Variants in ANKS1B observed in about 807,000 individuals in gnomAD.
ANKS1B encodes ankyrin repeat and sterile alpha motif domain containing 1B, also known as ankyrin repeat and sterile alpha motif domain-containing protein 1B.
ANKS1B carries 36 observed loss-of-function variants against 148.3 expected under a neutral mutation model. The ratio of observed to expected loss-of-function variants is 0.24; its 90% CI spans 0.19 to 0.32. The LOEUF is 0.32. ANKS1B is among the 10% of genes least tolerant of loss of function. The pLI, the probability that ANKS1B is intolerant of heterozygous loss-of-function variation, is 1.00. For synonymous variants in ANKS1B, 542 were observed against 560.8 expected (o/e 0.97, Z 0.47); for missense variants, 1,157 against 1,542.6 (o/e 0.75, Z 4.19).
At chr12:99,273,693 G>A (rs2077328296) in intron 12 of ANKS1B, among the ~76,000 whole-genome samples, 1 of 148,426 alleles carries the variant, frequency 6.7e-6, no homozygotes. Context: ...TTCTCTGCCT[G>A]AGCCTCCGGA....
intron 19 of ANKS1B, among the ~76,000 whole-genome samples, chr12:98,817,186 G>A (rs931071389): frequency 6.6e-6 from 1 of 152,114 alleles, no homozygotes; most frequent in Non-Finnish European, 1.5e-5. Flanking sequence ...AAAAGAAAAT[G>A]AAAACAGACT....
chr12:98,763,937 C>T (rs973282449), intron 25 of ANKS1B, among the ~76,000 whole-genome samples: 1 of 152,198 alleles, frequency 6.6e-6, no homozygotes, highest in Non-Finnish European at 1.5e-5. Context: ...CCACAACTTG[C>T]TTTCTTATAT....
At chr12:99,555,899 T>C (rs900426507) in intron 9 of ANKS1B, among the ~76,000 whole-genome samples, 1 of 152,186 alleles carries the variant, frequency 6.6e-6, no homozygotes, top group Admixed American at 6.5e-5. Flanking sequence ...AGATTTGTTT[T>C]TTGTTGTATC....
At chr12:99,453,072 C>G (rs2095779920) in intron 10 of ANKS1B, among the ~76,000 whole-genome samples, 1 of 152,090 alleles carries the variant, frequency 6.6e-6, no homozygotes. Context: ...GGGCGGATCA[C>G]AAGGTCAGGA....
chr12:99,505,992 T>C (rs1365626500), intron 9 of ANKS1B, among the ~76,000 whole-genome samples: 1 of 152,048 alleles, frequency 6.6e-6, no homozygotes, highest in Non-Finnish European at 1.5e-5. Context: ...TACTTACCCT[T>C]GTGGTTTTGT....
At chr12:98,956,024 A>G (rs1459902616) in intron 17 of ANKS1B, among the ~76,000 whole-genome samples, 3 of 152,210 alleles carry the variant, frequency 2.0e-5, no homozygotes, top group Non-Finnish European at 4.4e-5. Context: ...CCTGAATTCC[A>G]GGCCTAGAGA....
chr12:99,874,081 G>A (rs1407669397), intron 1 of ANKS1B, among the ~76,000 whole-genome samples: 1 of 150,110 alleles, frequency 6.7e-6, no homozygotes, highest in African/African-American at 2.5e-5. Flanking sequence ...GACTAAAACA[G>A]CTATGCTTCA....
intron 9 of ANKS1B, chr12:99,649,728 T>G (rs998626134): frequency 4.2e-6 from 1 of 238,370 alleles, no homozygotes; most frequent in East Asian, 1.1e-4. Context: ...TAAGTGCTAC[T>G]GGCCTCTCCC....
intron 12 of ANKS1B, among the ~76,000 whole-genome samples, chr12:99,339,079 A>T (rs1337706934): frequency 1.3e-5 from 2 of 152,126 alleles, no homozygotes; most frequent in East Asian, 3.9e-4. Flanking sequence ...CTTGGAACCA[A>T]GCAAAGGGCT....
chr12:99,221,611 A>G (rs1029767288), intron 14 of ANKS1B, among the ~76,000 whole-genome samples: 1 of 152,202 alleles, frequency 6.6e-6, no homozygotes, highest in Non-Finnish European at 1.5e-5. Flanking sequence ...TTTTATTCAT[A>G]ATACAAGAAA....
intron 17 of ANKS1B, among the ~76,000 whole-genome samples, chr12:98,942,542 G>A (rs940100902): frequency 1.3e-5 from 2 of 152,148 alleles, no homozygotes; most frequent in African/African-American, 4.8e-5. Flanking sequence ...GTTCCCCTCA[G>A]CAGAATGTCC....
At chr12:99,906,925 A>G (rs7972973) in intron 1 of ANKS1B, among the ~76,000 whole-genome samples, 92,042 of 152,012 alleles carry the variant, frequency 0.61, 29,004 homozygotes, top group Middle Eastern at 0.7. Context: ...TAACCACAAG[A>G]GAATGTGCCA....
At chr12:99,128,578 A>G (rs1301776879) in intron 15 of ANKS1B, among the ~76,000 whole-genome samples, 2 of 152,216 alleles carry the variant, frequency 1.3e-5, no homozygotes, top group East Asian at 3.9e-4. Context: ...CAGGGATTCC[A>G]GCCAATAAAC....
chr12:99,569,128 A>T (rs1177972954), intron 9 of ANKS1B, among the ~76,000 whole-genome samples: 2 of 152,242 alleles, frequency 1.3e-5, no homozygotes, highest in African/African-American at 4.8e-5. Flanking sequence ...TCCACTTGAA[A>T]TGTAAATAGG....
At chr12:99,391,587 G>A (rs1351605906) in intron 12 of ANKS1B, among the ~76,000 whole-genome samples, 1 of 152,156 alleles carries the variant, frequency 6.6e-6, no homozygotes, top group Non-Finnish European at 1.5e-5. Flanking sequence ...CACACCCTGA[G>A]TAAACATATT....
chr12:99,947,758 A>G (rs2095106240), intron 1 of ANKS1B, among the ~76,000 whole-genome samples: 1 of 152,134 alleles, frequency 6.6e-6, no homozygotes, highest in Non-Finnish European at 1.5e-5. Flanking sequence ...TCTAGAGAAT[A>G]AGACCTCCGG....
At chr12:99,686,139 A>G (rs570808155) in intron 8 of ANKS1B, among the ~76,000 whole-genome samples, 8 of 152,256 alleles carry the variant, frequency 5.3e-5, no homozygotes, top group African/African-American at 1.9e-4. Context: ...TACATAAAAT[A>G]ATAGTAATTT....
chr12:99,304,558 G>C (rs922881654), intron 12 of ANKS1B, among the ~76,000 whole-genome samples: 1 of 152,056 alleles, frequency 6.6e-6, no homozygotes, highest in Non-Finnish European at 1.5e-5. Context: ...TGTTGTTCCT[G>C]CTGACAGCTT....
chr12:99,591,175 G>T (rs957678647), intron 9 of ANKS1B, among the ~76,000 whole-genome samples: 1 of 151,836 alleles, frequency 6.6e-6, no homozygotes, highest in Non-Finnish European at 1.5e-5. Flanking sequence ...TTGTTCCAAT[G>T]ACTTTACAGA....
Sources: allele counts gnomAD v4.1 joint callset (sites outside exome capture counted in the v4.1 genomes callset), GRCh38; gene constraint gnomAD v4.1.1; transcripts MANE v1.5; gene names NCBI Gene and HGNC (gene_info 2026-07-23, HGNC 2026-07-21).